The following PRKCI variants were observed in gnomAD, a reference collection of about 807,000 sequenced individuals.
PRKCI encodes the protein protein kinase C iota, also known as protein kinase C iota type.
PRKCI carries 43 observed loss-of-function variants against 84.0 expected under a neutral mutation model. That is an observed-to-expected ratio of 0.51 (90% CI 0.40 to 0.66). The LOEUF is 0.66. Ranked by LOEUF, PRKCI falls within the 30% of genes least tolerant of loss-of-function variation. The pLI, the probability that PRKCI is intolerant of heterozygous loss-of-function variation, is 0.00. For missense variants in PRKCI, 459 were observed against 745.6 expected, an observed-to-expected ratio of 0.62 and a Z score of 4.48; for synonymous variants, 216 against 234.4, an observed-to-expected ratio of 0.92 and a Z score of 0.72.
intron 8 of PRKCI, among the ~76,000 whole-genome samples, chr3:170,279,236 G>T (rs192186959): frequency 2.0e-5 from 3 of 152,194 alleles, no homozygotes; most frequent in Admixed American, 2.0e-4. Flanking sequence ...TTGGCACATT[G>T]CCCAGGCTGG....
chr3:170,295,493 A>G (rs566631640), intron 14 of PRKCI, among the ~76,000 whole-genome samples: 1 of 152,198 alleles, frequency 6.6e-6, no homozygotes, highest in Admixed American at 6.5e-5. Context: ...CCCGGCCAGC[A>G]TGGTGAAACC....
At chr3:170,264,280 TTTG>T (rs901152555) in intron 4 of PRKCI, among the ~76,000 whole-genome samples, 2 of 152,070 alleles carry the variant, frequency 1.3e-5, no homozygotes, top group South Asian at 2.1e-4. Context: ...TTAAGTCACT[TTTG>T]TTGTTGTTGT....
intron 12 of PRKCI, among the ~76,000 whole-genome samples, chr3:170,288,466 AGGGC>A (rs1699896107): frequency 1.3e-5 from 2 of 151,474 alleles, no homozygotes; most frequent in South Asian, 4.2e-4. Context: ...AGAGCTGCCT[AGGGC>A]GGGTGCAGTG....
At chr3:170,290,531 GTA>G (rs137879887) in intron 12 of PRKCI, among the ~76,000 whole-genome samples, 40 of 147,904 alleles carry the variant, frequency 2.7e-4, no homozygotes, top group East Asian at 5.9e-4. Context: ...TATGTATTTT[GTA>G]TATATATATA....
At position 170,235,261 on chromosome 3, in the gene PRKCI, A is replaced by C; in HGVS notation, c.133A>C (p.Ile45Leu). The change falls in exon 2 of 18, where the codon ATC becomes CTC. Residue 45 changes from isoleucine (I) to leucine (L), a missense_variant. By Grantham distance (5) the Ile-to-Leu change is conservative. Transcript: ENST00000295797. ...DIMITHFEPSISFEGLCNEVR... is the reference protein window; with the variant it reads ...DIMITHFEPSLSFEGLCNEVR... ...CATGATAACACATTTTGAACCTTCC[A>C]TCTCCTTTGAGGGCCTTTGCAATGA... 1 of 1,613,946 alleles carries C rather than the reference A, an allele frequency of 6.2e-7. No individual in the cohort carries two copies. Among genetic ancestry groups the C allele is most frequent in the South Asian group, 1.1e-5 (1 of 91,078 alleles).
chr3:170,232,544 T>TACTA (rs1483585731), intron 1 of PRKCI, among the ~76,000 whole-genome samples: 2 of 151,748 alleles, frequency 1.3e-5, no homozygotes, highest in Non-Finnish European at 2.9e-5. Flanking sequence ...CATTGAGACT[T>TACTA]ACTAACCCAC....
chr3:170,279,386 C>G (rs1004644556), intron 8 of PRKCI, among the ~76,000 whole-genome samples: 1 of 152,050 alleles, frequency 6.6e-6, no homozygotes, highest in Non-Finnish European at 1.5e-5. Flanking sequence ...TTTCTAATAC[C>G]CTTCTTTCAG....
chr3:170,248,693 C>A (rs1470425012), intron 2 of PRKCI, among the ~76,000 whole-genome samples: 1 of 152,066 alleles, frequency 6.6e-6, no homozygotes, highest in Non-Finnish European at 1.5e-5. Context: ...TTTCATACTT[C>A]CTTATGGTTA....
rs146346249 is a variant in PRKCI at position 170,284,512 on chromosome 3, G to T, written c.1119G>T (p.Gly373=). 90 of 1,604,152 alleles carry T rather than the reference G, an allele frequency of 5.6e-5. No homozygotes were observed. In the African/African-American group the frequency reaches 1.1e-3, roughly 19 times the overall value. Residue 373 remains glycine (G), a synonymous_variant, in exon 12 of 18, where the codon GGG becomes GGT. Transcript: ENST00000295797. The stretch of plus-strand genomic sequence containing the variant: ...CATTAAATTATCTTCATGAGCGAGG[G>T]ATAATTTATAGAGATTTGAAACTGG... The part of the protein sequence containing the change: ...SLALNYLHER[G]IIYRDLKLDN...
intron 1 of PRKCI, among the ~76,000 whole-genome samples, chr3:170,225,926 T>A (rs1357252360): frequency 6.6e-6 from 1 of 152,032 alleles, no homozygotes; most frequent in Non-Finnish European, 1.5e-5. Context: ...TTATTTATTT[T>A]TTTGGAGATG....
intron 2 of PRKCI, among the ~76,000 whole-genome samples, chr3:170,249,224 A>C (rs1397222046): frequency 1.3e-5 from 2 of 152,124 alleles, no homozygotes; most frequent in African/African-American, 4.8e-5. Context: ...TGTGGAAATC[A>C]CAGTTTGCTA....
chr3:170,250,150 G>A (rs1210283180), intron 2 of PRKCI, among the ~76,000 whole-genome samples: 9 of 151,812 alleles, frequency 5.9e-5, no homozygotes, highest in Admixed American at 5.3e-4. Flanking sequence ...GCACACACCT[G>A]TAATCCCAGC....
intron 1 of PRKCI, among the ~76,000 whole-genome samples, chr3:170,233,887 A>G (rs1338344540): frequency 3.3e-5 from 5 of 151,630 alleles, no homozygotes; most frequent in African/African-American, 1.2e-4. Flanking sequence ...TGCCTGGCTA[A>G]TTTTTGTATT....
chr3:170,249,414 A>T (rs1733378444), intron 2 of PRKCI, among the ~76,000 whole-genome samples: 1 of 152,044 alleles, frequency 6.6e-6, no homozygotes, highest in South Asian at 2.1e-4. Context: ...AGAGAGAGAG[A>T]GTGCGTGTGT....
chr3:170,251,771 A>G (rs867761483), intron 2 of PRKCI, among the ~76,000 whole-genome samples: 3 of 151,890 alleles, frequency 2.0e-5, no homozygotes, highest in African/African-American at 4.8e-5. Flanking sequence ...CTAGCTGGGC[A>G]TGGTGGTGGG....
intron 1 of PRKCI, among the ~76,000 whole-genome samples, chr3:170,223,909 G>T (rs1013395577): frequency 3.8e-5 from 5 of 130,868 alleles, no homozygotes; most frequent in Admixed American, 8.2e-5. Flanking sequence ...TTGATTTGAT[G>T]TAAGGACTTT....
intron 2 of PRKCI, among the ~76,000 whole-genome samples, chr3:170,258,392 G>C (rs1441523704): frequency 6.6e-6 from 1 of 151,740 alleles, no homozygotes; most frequent in African/African-American, 2.4e-5. Context: ...TACACCCTCT[G>C]CTTCCTAGGT....
chr3:170,281,740 C>T, intron 10 of PRKCI, 142 bp from the exon 11 acceptor site: 1 of 1,103,240 alleles, frequency 9.1e-7, no homozygotes, highest in Non-Finnish European at 1.2e-6. Context: ...ACCCTAGATA[C>T]CCTTTGTTTC....
At chr3:170,263,100 C>T (rs865794047) in intron 3 of PRKCI, among the ~76,000 whole-genome samples, 3 of 150,040 alleles carry the variant, frequency 2.0e-5, no homozygotes, top group Middle Eastern at 3.4e-3. Flanking sequence ...ACCCGGGAGG[C>T]GGAGCTTGCA....
Sources: allele counts gnomAD v4.1 joint callset (sites outside exome capture counted in the v4.1 genomes callset), GRCh38; gene constraint gnomAD v4.1.1; transcripts MANE v1.5; gene names NCBI Gene and HGNC (gene_info 2026-07-23, HGNC 2026-07-21).